OR8B2: variants seen among roughly 807,000 people sequenced by gnomAD.
The protein encoded by OR8B2 is olfactory receptor family 8 subfamily B member 2, also known as olfactory receptor 8B2.
For synonymous variants in OR8B2, 98 were observed against 138.2 expected (o/e 0.71, Z 2.04); for missense variants, 304 against 379.6 (o/e 0.80, Z 1.65).
chr11:124,386,189 G>A (rs935315029), upstream of OR8B2, among the ~76,000 whole-genome samples: 2 of 148,710 alleles, frequency 1.3e-5, no homozygotes, highest in African/African-American at 2.5e-5. Context: ...TTTTGTCCCT[G>A]GGAGCGAACA....
the OR8B2 span, chr11:124,397,126 C>G: frequency 8.1e-6 from 13 of 1,613,062 alleles, no homozygotes; most frequent in Non-Finnish European, 1.1e-5. Context: ...GGAGTGAAAA[C>G]AGAGGAGTAA....
At chr11:124,387,397 ACATTTAAGTCT>A, upstream of OR8B2, among the ~76,000 whole-genome samples, 1 of 152,214 alleles carries the variant, frequency 6.6e-6, no homozygotes, top group East Asian at 1.9e-4. Context: ...TTTAGGTCTC[ACATTTAAGTCT>A]TTAATCCATC....
chr11:124,388,452 T>C (rs1398687574), upstream of OR8B2, among the ~76,000 whole-genome samples: 3 of 152,152 alleles, frequency 2.0e-5, no homozygotes, highest in African/African-American at 4.8e-5. Context: ...ATACAGACAA[T>C]GCATTGACAT....
rs1237671127 is a variant in OR8B2 at position 124,382,639 on chromosome 11, T to C, written c.705A>G (p.Ser235=). 8 of 1,611,962 alleles carry C rather than the reference T, an allele frequency of 5.0e-6. No individual in the cohort carries two copies. In the East Asian group the frequency reaches 1.1e-4, roughly 22 times the overall value. The stretch of plus-strand genomic sequence containing the variant: ...GAGAGCTACAAGTACTGAAGGCTTT[T>C]GATCTTCCTTGAGTGGATTTGATAT... The part of the protein sequence containing the change: ...ILHIKSTQGR[S]KAFSTCSSHV... Residue 235 remains serine (S), a synonymous_variant, in exon 2 of 2, where the codon TCA becomes TCG. Coordinates refer to ENST00000641451, the MANE Select transcript of OR8B2 (RefSeq NM_001005468.2).
At chr11:124,393,805 C>T in the OR8B2 span, among the ~76,000 whole-genome samples, 4 of 151,280 alleles carry the variant, frequency 2.6e-5, no homozygotes, top group Non-Finnish European at 4.4e-5. Flanking sequence ...CACATGCACA[C>T]GTATGTTTAT....
At chr11:124,392,819 C>T in the OR8B2 span, among the ~76,000 whole-genome samples, 2 of 150,672 alleles carry the variant, frequency 1.3e-5, no homozygotes, top group African/African-American at 5.0e-5. Context: ...AATCCTAAGC[C>T]AGAAGAACAA....
chr11:124,385,143 T>A (rs1226955298), upstream of OR8B2, among the ~76,000 whole-genome samples: 1 of 152,176 alleles, frequency 6.6e-6, no homozygotes, highest in Non-Finnish European at 1.5e-5. Context: ...TTTAATTATC[T>A]TGGGTTGCTC....
the OR8B2 span, chr11:124,395,474 G>A: frequency 9.2e-5 from 14 of 152,250 alleles, no homozygotes; most frequent in Non-Finnish European, 1.8e-4. Context: ...CAAAATATTT[G>A]TAGAAATATA....
chr11:124,382,866 T>C lies in OR8B2; in HGVS notation c.478A>G (p.Thr160Ala), dbSNP rs1860622117. Residue 160 changes from threonine to alanine, a missense_variant, in exon 2 of 2, where the codon ACC becomes GCC. Physicochemically the swap from Thr to Ala is moderately conservative, Grantham distance 58. Coordinates refer to ENST00000641451, the MANE Select transcript of OR8B2 (RefSeq NM_001005468.2). ...IMGLAGATAH[T>A]GCMLRLTFCS... is the part of the protein sequence containing the mutation. ...AAGGTGAGTCTAAGCATGCACCCGG[T>C]GTGGGCCGTGGCTCCAGCCAATCCC... The C allele has an allele frequency of 1.9e-6, 3 of 1,602,052 alleles. No homozygotes were observed. In the East Asian group the frequency reaches 6.7e-5, roughly 36 times the overall value.
At chr11:124,387,105 G>A (rs1189130072), upstream of OR8B2, among the ~76,000 whole-genome samples, 1 of 152,118 alleles carries the variant, frequency 6.6e-6, no homozygotes, top group Non-Finnish European at 1.5e-5. Flanking sequence ...TGATGGGGTT[G>A]TTTGTTTTTT....
chr11:124,383,424 A>C (rs1382183384), intron 1 of OR8B2, 64 bp from the exon 2 acceptor site: 1 of 1,350,390 alleles, frequency 7.4e-7, no homozygotes, highest in Non-Finnish European at 1.0e-6. Context: ...CTCATTAATG[A>C]GGAGGGGACT....
At chr11:124,396,808 G>T in the OR8B2 span, 1 of 1,590,666 alleles carries the variant, frequency 6.3e-7, no homozygotes, top group Non-Finnish European at 8.6e-7. Context: ...AGGAGGGGGA[G>T]TATGTCACAC....
chr11:124,396,313 A>C, the OR8B2 span: 2 of 1,040,014 alleles, frequency 1.9e-6, no homozygotes, highest in Non-Finnish European at 2.7e-6. Flanking sequence ...ATTAAATCAC[A>C]CATAACACCA....
the OR8B2 span, chr11:124,395,506 T>C: frequency 6.6e-5 from 10 of 152,208 alleles, no homozygotes; most frequent in African/African-American, 2.4e-4. Flanking sequence ...TTAATATACA[T>C]TTTTTCATGA....
At chr11:124,392,811 T>C in the OR8B2 span, among the ~76,000 whole-genome samples, 1,519 of 147,272 alleles carry the variant, frequency 0.01, 15 homozygotes, top group Admixed American at 0.036. Flanking sequence ...ACCAAGTCAA[T>C]CCTAAGCCAG....
the OR8B2 span, among the ~76,000 whole-genome samples, chr11:124,393,448 C>T: frequency 7.0e-6 from 1 of 142,140 alleles, no homozygotes; most frequent in Non-Finnish European, 1.5e-5. Context: ...AAAAAGTGGG[C>T]AAAGGATATG....
At chr11:124,386,862 A>C (rs896978727), upstream of OR8B2, among the ~76,000 whole-genome samples, 2 of 151,048 alleles carry the variant, frequency 1.3e-5, no homozygotes, top group African/African-American at 5.0e-5. Context: ...GAACTAGTTT[A>C]CAGTCCCACC....
At position 124,383,235 on chromosome 11, in the gene OR8B2, C is replaced by T. The variant is rs540691702; in HGVS notation, c.109G>A (p.Val37Ile). ...LFFLFLVIYI[V>I]TMVGNLGLIT... ...AAGCCAAGGTTGCCTACCATGGTGA[C>T]AATGTAGATCACTAGAAACAGGAAA... The change falls in exon 2 of 2, where the codon GTC becomes ATC. Residue 37 changes from valine (V) to isoleucine (I), a missense_variant. Transcript: ENST00000641451. The T allele has an allele frequency of 6.2e-7, 1 of 1,613,942 alleles. No individual in the cohort carries two copies. Among genetic ancestry groups the T allele is most frequent in the Non-Finnish European group, 8.5e-7 (1 of 1,179,852 alleles).
chr11:124,389,379 G>T (rs1198662540), upstream of OR8B2, among the ~76,000 whole-genome samples: 2 of 152,148 alleles, frequency 1.3e-5, no homozygotes, highest in East Asian at 1.9e-4. Flanking sequence ...GTACATTGGG[G>T]TTCTTTCCAT....
Sources: gnomAD v4.1 joint callset for allele counts (sites outside exome capture counted in the v4.1 genomes callset) on GRCh38, gnomAD v4.1.1 for gene constraint, MANE v1.5 for transcripts, NCBI Gene and HGNC (gene_info 2026-07-23, HGNC 2026-07-21) for gene names.